Variants in LYPLAL1 observed in about 807,000 individuals in gnomAD.
LYPLAL1 encodes the protein lysophospholipase-like protein 1.
A neutral mutation model predicts 19.7 loss-of-function variants in LYPLAL1; 23 were observed. The observed-to-expected ratio is 1.17, with a 90% confidence interval of 0.84 to 1.65. The LOEUF (loss-of-function observed/expected upper bound fraction) is 1.65, where lower values mean the gene tolerates loss of function less well. Ranked by LOEUF, LYPLAL1 falls within the 40% of genes most tolerant of loss-of-function variation. The pLI is 0.00. For synonymous variants in LYPLAL1, 119 were observed against 96.3 expected, an observed-to-expected ratio of 1.24 and a Z score of -1.38; for missense variants, 355 against 279.4, an observed-to-expected ratio of 1.27 and a Z score of -1.93.
chr1:219,240,305 A>G, the LYPLAL1 span, among the ~76,000 whole-genome samples: 2 of 152,222 alleles, frequency 1.3e-5, no homozygotes, highest in Admixed American at 1.3e-4. Context: ...TTAAACAAGC[A>G]TGGAAAAATC....
At position 219,173,910 on chromosome 1, in the gene LYPLAL1, CGGTTCTGCAGCGCTG is replaced by C; in HGVS notation, c.21_35del (p.Val8_Cys12del). ...TCAGCGATGGCGGCTGCGTCGGGGT[CGGTTCTGCAGCGCTG>C]TATCGTGTCGCCGGCAGGGAGGCAT... On this transcript the variant is annotated inframe_deletion, in exon 1 of 5. Transcript: ENST00000366928. 1 of 1,613,338 alleles carries C rather than the reference CGGTTCTGCAGCGCTG, an allele frequency of 6.2e-7. No homozygotes were observed. The highest frequency in any genetic ancestry group is 8.5e-7 in the Non-Finnish European group (1 of 1,179,896).
At chr1:219,360,433 T>A in the LYPLAL1 span, among the ~76,000 whole-genome samples, 18 of 152,204 alleles carry the variant, frequency 1.2e-4, no homozygotes, top group Non-Finnish European at 2.2e-4. Flanking sequence ...CTCGTAGACA[T>A]CGGAGTAGTC....
intron 3 of LYPLAL1, among the ~76,000 whole-genome samples, chr1:219,199,760 G>A (rs902628874): frequency 4.7e-5 from 7 of 150,080 alleles, no homozygotes; most frequent in South Asian, 2.1e-4. Context: ...GACTACAGGC[G>A]CCTGCCACCA....
At chr1:219,193,061 G>C (rs887815355) in intron 2 of LYPLAL1, 21 bp from the exon 3 acceptor site, 3 of 1,510,756 alleles carry the variant, frequency 2.0e-6, no homozygotes, top group Admixed American at 2.0e-5. Flanking sequence ...TTTTTTTTGG[G>C]GGGGGGCGGT....
At chr1:219,274,206 C>T in the LYPLAL1 span, among the ~76,000 whole-genome samples, 3 of 152,228 alleles carry the variant, frequency 2.0e-5, no homozygotes, top group South Asian at 4.1e-4. Context: ...CAATCGTTTC[C>T]GGCACTGAAA....
At chr1:219,433,922 G>A in the LYPLAL1 span, among the ~76,000 whole-genome samples, 5 of 152,258 alleles carry the variant, frequency 3.3e-5, no homozygotes, top group African/African-American at 4.8e-5. Flanking sequence ...CCACAAGGTC[G>A]ACCTTAAATC....
the LYPLAL1 span, among the ~76,000 whole-genome samples, chr1:219,289,978 C>G: frequency 1.3e-5 from 2 of 152,122 alleles, no homozygotes; most frequent in African/African-American, 4.8e-5. Context: ...GATCCACAAT[C>G]CTCTAAATCC....
chr1:219,322,671 T>A, the LYPLAL1 span, among the ~76,000 whole-genome samples: 1 of 152,158 alleles, frequency 6.6e-6, no homozygotes, highest in Non-Finnish European at 1.5e-5. Flanking sequence ...GCTTAAATTG[T>A]GCGATGCTAA....
chr1:219,232,844 C>T, the LYPLAL1 span, among the ~76,000 whole-genome samples: 1 of 148,786 alleles, frequency 6.7e-6, no homozygotes, highest in Non-Finnish European at 1.5e-5. Context: ...CACTGCCCGT[C>T]TGATAGGATG....
chr1:219,416,384 G>A, the LYPLAL1 span, among the ~76,000 whole-genome samples: 2 of 152,128 alleles, frequency 1.3e-5, no homozygotes, highest in Admixed American at 6.6e-5. Context: ...TTTTTCTCAT[G>A]ATTTTGGTGC....
chr1:219,272,609 AAAAAC>A, the LYPLAL1 span: 2 of 152,092 alleles, frequency 1.3e-5, no homozygotes, highest in Admixed American at 6.6e-5. Context: ...CATCTTTACT[AAAAAC>A]AAAACAAAAA....
chr1:219,306,849 TAGAC>T, the LYPLAL1 span, among the ~76,000 whole-genome samples: 19,205 of 135,038 alleles, frequency 0.14, 1,486 homozygotes, highest in South Asian at 0.2. Context: ...GATAGATAGA[TAGAC>T]AGACAGACAG....
At chr1:219,367,612 T>A in the LYPLAL1 span, among the ~76,000 whole-genome samples, 1 of 152,156 alleles carries the variant, frequency 6.6e-6, no homozygotes, top group South Asian at 2.1e-4. Context: ...GGGAAAAGGA[T>A]TAAAATATAA....
the LYPLAL1 span, among the ~76,000 whole-genome samples, chr1:219,343,857 C>A: frequency 7.8e-6 from 1 of 129,018 alleles, no homozygotes. Flanking sequence ...TACCCACTAT[C>A]CAACCATTCC....
the LYPLAL1 span, among the ~76,000 whole-genome samples, chr1:219,420,603 T>A: frequency 0.012 from 1,800 of 150,728 alleles, 27 homozygotes; most frequent in East Asian, 0.06. Context: ...CATAGCCTAA[T>A]TTTTTTTTTC....
the LYPLAL1 span, among the ~76,000 whole-genome samples, chr1:219,377,853 G>C: frequency 4.6e-5 from 7 of 152,180 alleles, no homozygotes; most frequent in Non-Finnish European, 7.3e-5. Flanking sequence ...TCCTAAAGGT[G>C]TAGGCCACAG....
chr1:219,332,175 T>A, the LYPLAL1 span, among the ~76,000 whole-genome samples: 1 of 152,158 alleles, frequency 6.6e-6, no homozygotes, highest in Non-Finnish European at 1.5e-5. Context: ...GCAGTCAGGT[T>A]ACCCTGCTGG....
At chr1:219,417,959 G>A in the LYPLAL1 span, among the ~76,000 whole-genome samples, 1 of 152,194 alleles carries the variant, frequency 6.6e-6, no homozygotes, top group Non-Finnish European at 1.5e-5. Context: ...TTTTCAACTG[G>A]CTCTTGGATA....
chr1:219,335,813 G>T, the LYPLAL1 span, among the ~76,000 whole-genome samples: 1 of 151,734 alleles, frequency 6.6e-6, no homozygotes, highest in Non-Finnish European at 1.5e-5. Context: ...ATATCACAAA[G>T]CTTATGAGAG....
Sources: gnomAD v4.1 joint callset for allele counts (sites outside exome capture counted in the v4.1 genomes callset) on GRCh38, gnomAD v4.1.1 for gene constraint, MANE v1.5 for transcripts, NCBI Gene and HGNC (gene_info 2026-07-23, HGNC 2026-07-21) for gene names.